Variants in ARAP2 observed in about 807,000 individuals in gnomAD.
The protein encoded by ARAP2 is ArfGAP with RhoGAP domain, ankyrin repeat and PH domain 2, also known as arf-GAP with Rho-GAP domain, ANK repeat and PH domain-containing protein 2.
ARAP2 carries 148 observed loss-of-function variants against 194.5 expected under a neutral mutation model. That is an observed-to-expected ratio of 0.76 (90% confidence interval 0.67 to 0.87). The LOEUF (loss-of-function observed/expected upper bound fraction) is 0.87, where lower values mean the gene tolerates loss of function less well. ARAP2 is among the 40% of genes least tolerant of loss of function. ARAP2 has a pLI of 0.00. For missense variants in ARAP2, 2,128 were observed against 1,989.7 expected (o/e 1.07, Z -1.32); for synonymous variants, 695 against 683.5 (o/e 1.02, Z -0.26).
At chr4:36,042,271 C>T (rs1190961217) in intron 5 of ARAP2, among the ~76,000 whole-genome samples, 3 of 152,064 alleles carry the variant, frequency 2.0e-5, no homozygotes, top group African/African-American at 7.2e-5. Flanking sequence ...TTCACATGCA[C>T]ATTAATTATG....
chr4:36,178,743 A>G (rs2109855254), intron 8 of ARAP2, among the ~76,000 whole-genome samples: 1 of 152,340 alleles, frequency 6.6e-6, no homozygotes, highest in Middle Eastern at 3.4e-3. Context: ...AATGGTATGA[A>G]ATAATATATG....
chr4:36,006,576 T>C (rs1358876806), intron 10 of ARAP2: 4 of 152,160 alleles, frequency 2.6e-5, no homozygotes, highest in Non-Finnish European at 5.9e-5. Flanking sequence ...TTTGTGACAA[T>C]TTGAGTATAT....
At chr4:36,011,283 G>A (rs1332053679) in intron 9 of ARAP2, among the ~76,000 whole-genome samples, 1 of 151,936 alleles carries the variant, frequency 6.6e-6, no homozygotes, top group East Asian at 1.9e-4. Flanking sequence ...GTCTTATAAG[G>A]GAACGTCTGT....
Position 36,119,709 on chromosome 4 carries a change from C to T in ARAP2, c.3904G>A (p.Asp1302Asn). ...NYVEIFEVKE[D>N]QVKQMDIENS... Reference sequence around the variant, plus strand: ...TCTATGTCCATTTGTTTGACTTGATCTTCTTTAACCTGTTTAAAATATAAT... The same window carrying T: ...TCTATGTCCATTTGTTTGACTTGATTTTCTTTAACCTGTTTAAAATATAAT... Residue 1302 changes from aspartate to asparagine, a missense_variant, in exon 24 of 33, where the codon GAT (aspartate) becomes AAT (asparagine). Physicochemically the swap from Asp to Asn is conservative, Grantham distance 23. Transcript: ENST00000303965. 3 of 1,596,870 alleles carry T rather than the reference C, an allele frequency of 1.9e-6. No individual in the cohort carries two copies. Among genetic ancestry groups the T allele is most frequent in the Non-Finnish European group, 2.6e-6 (3 of 1,166,870 alleles).
chr4:36,195,006 G>GA lies in ARAP2; in HGVS notation c.1488-1360dup, dbSNP rs369737944. On this transcript the variant is annotated intron_variant, in intron 6 of 32. Transcript: ENST00000303965. ...AACCCTGTCTCTACAAAACATACAG[G>GA]AAAAAAAAAAATAGCCAGGCATGGT... Among the ~76,000 whole-genome samples the GA allele has an allele frequency of 8.7e-4, 127 of 145,356 alleles. 1 individual carries two copies. The highest frequency in any genetic ancestry group is 3.6e-3 in the Middle Eastern group (1 of 280).
intron 11 of ARAP2, among the ~76,000 whole-genome samples, chr4:36,162,849 T>C (rs995277179): frequency 1.1e-3 from 170 of 152,212 alleles, no homozygotes; most frequent in African/African-American, 3.8e-3. Flanking sequence ...ATTGATAAGA[T>C]AAAATGAATG....
rs1028160432 is a variant in ARAP2, at chr4:36,115,956, G to A, written c.4038+1105C>T. Among the ~76,000 whole-genome samples, 56 of 152,020 alleles carry A rather than the reference G, an allele frequency of 3.7e-4. 1 individual carries two copies. Among genetic ancestry groups the A allele is most frequent in the African/African-American group, 1.3e-3 (55 of 41,518 alleles). On this transcript the variant is annotated intron_variant, in intron 25 of 32. Coordinates refer to ENST00000303965, the MANE Select transcript of ARAP2 (RefSeq NM_015230.4). ...TGACTTTAGAAGATAAAATTAAAAT[G>A]CGCTATTAAAGAGCCTTTGTATAGA...
intron 3 of ARAP2, chr4:36,047,307 G>C (rs1411047299): frequency 2.0e-5 from 3 of 152,242 alleles, no homozygotes; most frequent in African/African-American, 7.2e-5. Flanking sequence ...CCATCCAAGA[G>C]AGTGTAGCAC....
intron 26 of ARAP2, among the ~76,000 whole-genome samples, chr4:36,113,873 CT>C (rs1720654951): frequency 2.6e-5 from 4 of 151,950 alleles, no homozygotes; most frequent in Admixed American, 1.3e-4. Flanking sequence ...ATTCATACCA[CT>C]CAGAATATTG....
chr4:36,095,826 C>T (rs1322892630), intron 27 of ARAP2, among the ~76,000 whole-genome samples: 2 of 152,142 alleles, frequency 1.3e-5, no homozygotes, highest in East Asian at 3.9e-4. Flanking sequence ...AAAGAGAAAC[C>T]TCAAGCCAAA....
chr4:36,239,642 A>G (rs74379245), intron 1 of ARAP2, among the ~76,000 whole-genome samples: 3,201 of 152,314 alleles, frequency 0.021, 69 homozygotes, highest in African/African-American at 0.052. Flanking sequence ...GTTGTTTAAC[A>G]AGCATAGAGT....
chr4:36,229,596 G>A lies in ARAP2; in HGVS notation c.-110C>T. 1 of 848,762 alleles carries A rather than the reference G, an allele frequency of 1.2e-6. No homozygotes were observed. Among genetic ancestry groups the A allele is most frequent in the Non-Finnish European group, 1.8e-6 (1 of 568,024 alleles). The allele number at this position is 848,762 out of a possible 1,614,324, so 52.6% of individuals were successfully genotyped here. A position where few individuals can be genotyped will look rare whatever the true frequency, so the allele number is the denominator to read the frequency against. ...TTCCTCTATCAATTGTGACAGAAAAGTTTCTTAAAATGTTATTTTCTTCAC... is the reference window on the plus strand; with the variant it reads ...TTCCTCTATCAATTGTGACAGAAAAATTTCTTAAAATGTTATTTTCTTCAC... On this transcript the variant is annotated 5_prime_UTR_variant, in exon 2 of 33. Coordinates refer to ENST00000303965, the MANE Select transcript of ARAP2 (RefSeq NM_015230.4).
At chr4:36,132,174 T>A (rs1332444110) in intron 20 of ARAP2, among the ~76,000 whole-genome samples, 2 of 151,756 alleles carry the variant, frequency 1.3e-5, no homozygotes, top group Non-Finnish European at 3.0e-5. Context: ...TTTCCCATAC[T>A]AGAAGATATG....
intron 32 of ARAP2, among the ~76,000 whole-genome samples, chr4:36,072,390 T>C (rs1349037788): frequency 6.6e-6 from 1 of 152,106 alleles, no homozygotes; most frequent in Non-Finnish European, 1.5e-5. Flanking sequence ...GGATTTGGGA[T>C]AAGGCTAAGA....
At chr4:36,215,849 CA>C (rs5857478) in intron 2 of ARAP2, among the ~76,000 whole-genome samples, 7,567 of 150,712 alleles carry the variant, frequency 0.05, 295 homozygotes, top group African/African-American at 0.11. Context: ...GACTTTGTCT[CA>C]AAAAAAAAAA....
chr4:36,144,805 T>C (rs1729236621), intron 19 of ARAP2, among the ~76,000 whole-genome samples: 1 of 151,898 alleles, frequency 6.6e-6, no homozygotes, highest in Admixed American at 6.6e-5. Context: ...TATACACAGA[T>C]TTTTCTTTTG....
chr4:36,021,881 T>C (rs1330286159), intron 5 of ARAP2, among the ~76,000 whole-genome samples: 2 of 152,138 alleles, frequency 1.3e-5, no homozygotes, highest in East Asian at 3.9e-4. Flanking sequence ...CTTTGAGAAA[T>C]GAGTCATTAT....
intron 6 of ARAP2, among the ~76,000 whole-genome samples, chr4:36,200,831 G>T (rs1033300646): frequency 1.3e-5 from 2 of 152,006 alleles, no homozygotes; most frequent in Non-Finnish European, 2.9e-5. Context: ...TACACTATAA[G>T]AATTTGCCAA....
chr4:36,223,263 T>C (rs778736653), intron 2 of ARAP2, among the ~76,000 whole-genome samples: 1 of 152,100 alleles, frequency 6.6e-6, no homozygotes, highest in Non-Finnish European at 1.5e-5. Flanking sequence ...CAAATAATAA[T>C]AAAATCTAAA....
Sources: gnomAD v4.1 joint callset for allele counts (sites outside exome capture counted in the v4.1 genomes callset) on GRCh38, gnomAD v4.1.1 for gene constraint, MANE v1.5 for transcripts, NCBI Gene and HGNC (gene_info 2026-07-23, HGNC 2026-07-21) for gene names.